DOC2A: variants seen among roughly 807,000 people sequenced by gnomAD.
DOC2A encodes double C2 domain alpha.
In DOC2A, 28 loss-of-function variants were observed where a neutral mutation model predicts 40.6. The ratio of observed to expected loss-of-function variants is 0.69; its 90% confidence interval spans 0.51 to 0.95. DOC2A has a LOEUF of 0.95. Among genes scored for constraint, DOC2A ranks in the 40% least tolerant of loss-of-function variants. The probability of loss-of-function intolerance (pLI) is 0.00; values close to 1 mark genes in which losing one functional copy is unlikely to be tolerated. For synonymous variants in DOC2A, 241 were observed against 236.9 expected (o/e 1.02, Z -0.16); for missense variants, 474 against 552.5 (o/e 0.86, Z 1.42).
chr16:30,009,275 C>T lies in DOC2A; in HGVS notation c.344G>A (p.Gly115Asp). 6.4e-7 allele frequency: 1 copy of T among 1,557,152 alleles called. No homozygotes were observed. Among genetic ancestry groups the T allele is most frequent in the Non-Finnish European group, 8.7e-7 (1 of 1,150,048 alleles). The change falls in exon 4 of 11, where the codon GGC (glycine) becomes GAC (aspartate). Residue 115 changes from glycine (G) to aspartate (D), a missense_variant and splice_region_variant. Gly to Asp is a moderately conservative substitution (Grantham distance 94). Coordinates refer to ENST00000350119, the MANE Select transcript of DOC2A (RefSeq NM_003586.3). This position sits in a 1 kb window ranked among gnomAD's most constrained non-coding sequence, Gnocchi z 4.1. Reference sequence around the variant, plus strand: ...GCCATTGAAATCCATGGGCTTGAGGCCCTGGAGAGGAGGGCAGGGGAGAGG... The same window carrying T: ...GCCATTGAAATCCATGGGCTTGAGGTCCTGGAGAGGAGGGCAGGGGAGAGG... ...TLHCSILRAK[G>D]LKPMDFNGLA...
At chr16:30,022,205 C>T (rs909940083), upstream of DOC2A, among the ~76,000 whole-genome samples, 2 of 123,824 alleles carry the variant, frequency 1.6e-5, no homozygotes, top group Non-Finnish European at 3.2e-5. Flanking sequence ...TGAGATTGTG[C>T]GTCTGCACTC....
At chr16:30,007,661 C>G (rs9972866) in intron 5 of DOC2A, 182,077 of 369,202 alleles carry the variant, frequency 0.49, 45,378 homozygotes, top group South Asian at 0.53. Context: ...GCAGCCAGAC[C>G]AGTACCCCAC....
In DOC2A at chr16:30,005,784, G is replaced by A; in HGVS notation, c.*402C>T. On this transcript the variant is annotated 3_prime_UTR_variant, in exon 11 of 11. Transcript: ENST00000350119. ...ATGAAGTTTCTGTATTAAAGGAGTG[G>A]CTCTGGGTTTGTTTTTTGTCCTTTT... The A allele has an allele frequency of 2.1e-6, 1 of 465,728 alleles. No homozygotes were observed. Among genetic ancestry groups the A allele is most frequent in the South Asian group, 2.6e-5 (1 of 38,202 alleles). The allele number at this position is 465,728 out of a possible 1,614,324, so 28.8% of individuals were successfully genotyped here. A position where few individuals can be genotyped will look rare whatever the true frequency, so the allele number is the denominator to read the frequency against.
Position 30,005,588 on chromosome 16 carries a change from C to A in DOC2A, c.*598G>T. 2.6e-6 allele frequency: 2 copies of A among 783,726 alleles called. No homozygotes were observed. Among genetic ancestry groups the A allele is most frequent in the Non-Finnish European group, 4.2e-6 (2 of 481,616 alleles). The allele number at this position is 783,726 out of a possible 1,614,324, so 48.5% of individuals were successfully genotyped here. On this transcript the variant is annotated 3_prime_UTR_variant, in exon 11 of 11. Transcript: ENST00000350119. ...CACAACCAGAAAAGGCGTAAACATGCACGGGTGTCCCCCAGGAGGGTGGCA... is the reference window on the plus strand; with the variant it reads ...CACAACCAGAAAAGGCGTAAACATGAACGGGTGTCCCCCAGGAGGGTGGCA...
chr16:30,013,060 G>A, upstream of DOC2A, among the ~76,000 whole-genome samples: 1 of 147,606 alleles, frequency 6.8e-6, no homozygotes, highest in Non-Finnish European at 1.5e-5. Flanking sequence ...AATGGGCAAA[G>A]CCAAAGTGTC....
At chr16:30,020,874 T>A (rs548045577) in intron 1 of DOC2A, among the ~76,000 whole-genome samples, 18 of 151,618 alleles carry the variant, frequency 1.2e-4, no homozygotes, top group African/African-American at 3.9e-4. Flanking sequence ...AAACAAAAAA[T>A]AGGCAGGTGT....
chr16:30,022,090 A>G (rs2070919002), upstream of DOC2A, among the ~76,000 whole-genome samples: 1 of 151,642 alleles, frequency 6.6e-6, no homozygotes, highest in African/African-American at 2.4e-5. Flanking sequence ...CTCTACTAAA[A>G]GTACAAAAAT....
In DOC2A at chr16:30,009,584, G is replaced by T; in HGVS notation, c.263-27C>A. ...TGGAGAGAGAGGAAAGGCAGCATGG[G>T]TCGGTATGGAGACAGGTGTGTGCGA... On this transcript the variant is annotated intron_variant, in intron 2 of 10. Coordinates refer to ENST00000350119, the MANE Select transcript of DOC2A (RefSeq NM_003586.3). The surrounding 1 kb of genome is among the most constrained non-coding windows in gnomAD (Gnocchi z 4.1). The T allele has an allele frequency of 6.5e-7, 1 of 1,544,952 alleles. No homozygotes were observed. The highest frequency in any genetic ancestry group is 8.8e-7 in the Non-Finnish European group (1 of 1,142,582).
At chr16:30,016,812 G>A (rs2070860501), upstream of DOC2A, among the ~76,000 whole-genome samples, 1 of 152,168 alleles carries the variant, frequency 6.6e-6, no homozygotes, top group Admixed American at 6.5e-5. Context: ...AGCCTCATAG[G>A]GAAGACAGAC....
chr16:30,011,537 C>T (rs1460103220), upstream of DOC2A: 1 of 408,454 alleles, frequency 2.4e-6, no homozygotes, highest in Non-Finnish European at 3.3e-6. Flanking sequence ...GACGCCGGCT[C>T]ATCTCCCCCC....
upstream of DOC2A, chr16:30,011,062 T>G: frequency 1.0e-6 from 1 of 957,622 alleles, no homozygotes; most frequent in Non-Finnish European, 1.2e-6. Flanking sequence ...GAGGCGAGGA[T>G]GCAGCCGGCG....
chr16:30,016,282 C>T (rs1424383989), upstream of DOC2A, among the ~76,000 whole-genome samples: 1 of 151,630 alleles, frequency 6.6e-6, no homozygotes, highest in Non-Finnish European at 1.5e-5. Context: ...CTCCTGACCT[C>T]AAGTGATCTG....
Position 30,010,144 on chromosome 16 carries a change from G to A in DOC2A, c.79C>T (p.Arg27Trp), listed in dbSNP as rs1008963632. ...TAGTCAGAGATCTGGCGGATGGGCC[G>A]GATGGGCCCGGGGCACACGTTGATG... ...MAINVCPGPI[R>W]PIRQISDYFP... Residue 27 changes from arginine to tryptophan, a missense_variant, in exon 2 of 11, where the codon CGG becomes TGG. Transcript: ENST00000350119. The surrounding 1 kb of genome is among the most constrained non-coding windows in gnomAD (Gnocchi z 4.2). 1.1e-5 allele frequency: 17 copies of A among 1,613,886 alleles called. No homozygotes were observed. Among genetic ancestry groups the A allele is most frequent in the East Asian group, 2.2e-5 (1 of 44,870 alleles).
chr16:30,017,711 C>A (rs1400489145), intron 1 of DOC2A, among the ~76,000 whole-genome samples: 1 of 152,134 alleles, frequency 6.6e-6, no homozygotes, highest in Non-Finnish European at 1.5e-5. Flanking sequence ...AATCCCAGCA[C>A]TTTGGGAGGC....
chr16:30,006,710 G>T lies in DOC2A; in HGVS notation c.879-33C>A, dbSNP rs952845805. On this transcript the variant is annotated intron_variant, in intron 8 of 10. Transcript: ENST00000350119. This position sits in a 1 kb window ranked among gnomAD's most constrained non-coding sequence, Gnocchi z 6.2. Reference sequence around the variant, plus strand: ...TGGGGTGGAGGGAGACGAACTGAGGGGTGAGGGACAGGCCAGGCCCAACTC... The same window carrying T: ...TGGGGTGGAGGGAGACGAACTGAGGTGTGAGGGACAGGCCAGGCCCAACTC... 3.1e-6 allele frequency: 5 copies of T among 1,613,608 alleles called. No individual in the cohort carries two copies. In the Admixed American group the frequency reaches 8.3e-5, roughly 27 times the overall value.
intron 1 of DOC2A, among the ~76,000 whole-genome samples, chr16:30,018,004 C>T (rs184793567): frequency 1.4e-4 from 17 of 123,424 alleles, no homozygotes; most frequent in South Asian, 2.8e-4. Flanking sequence ...TGAGGCTGGG[C>T]GCTGTAATCC....
intron 1 of DOC2A, among the ~76,000 whole-genome samples, chr16:30,020,445 A>C (rs908301647): frequency 6.6e-6 from 1 of 151,908 alleles, no homozygotes; most frequent in Non-Finnish European, 1.5e-5. Flanking sequence ...GGCGGCTCAC[A>C]CCTGTCATCC....
intron 5 of DOC2A, chr16:30,007,742 A>C: frequency 3.9e-6 from 1 of 258,932 alleles, no homozygotes; most frequent in Non-Finnish European, 7.6e-6. Flanking sequence ...TCACTAAGAA[A>C]TGATTGCTTT....
rs1214147577 is a variant in DOC2A, at chr16:30,009,949, C to A, written c.262+12G>T. ...CCACCAGCACATGGGGCCTCCAAGC[C>A]CCCAGACTCACTGGCATCATCCGAG... is the stretch of plus-strand genomic sequence containing the variant. On this transcript the variant is annotated intron_variant, in intron 2 of 10. Transcript: ENST00000350119. This position sits in a 1 kb window ranked among gnomAD's most constrained non-coding sequence, Gnocchi z 4.1. The A allele has an allele frequency of 6.2e-7, 1 of 1,611,028 alleles. No homozygotes were observed. Among genetic ancestry groups the A allele is most frequent in the East Asian group, 2.2e-5 (1 of 44,876 alleles).
Sources: gnomAD v4.1 joint callset for allele counts (sites outside exome capture counted in the v4.1 genomes callset) on GRCh38, gnomAD v4.1.1 for gene constraint, Gnocchi (gnomAD v3.1) non-coding constraint, MANE v1.5 for transcripts, NCBI Gene and HGNC (gene_info 2026-07-23, HGNC 2026-07-21) for gene names.